The following NDFIP2 variants were observed in gnomAD, a reference collection of about 807,000 sequenced individuals.
NDFIP2 encodes the protein Nedd4 family interacting protein 2, also known as NEDD4 family-interacting protein 2.
A neutral mutation model predicts 36.0 loss-of-function variants in NDFIP2; 19 were observed. The ratio of observed to expected loss-of-function variants is 0.53; its 90% confidence interval spans 0.37 to 0.77. The LOEUF is 0.77. NDFIP2 is among the 30% of genes least tolerant of loss of function. NDFIP2 has a pLI of 0.00. For missense variants in NDFIP2, 446 were observed against 435.8 expected, an observed-to-expected ratio of 1.02 and a Z score of -0.21; for synonymous variants, 181 against 167.7, an observed-to-expected ratio of 1.08 and a Z score of -0.61.
At chr13:79,496,259 T>G (rs796286179) in intron 1 of NDFIP2, among the ~76,000 whole-genome samples, 6 of 152,066 alleles carry the variant, frequency 3.9e-5, no homozygotes, top group African/African-American at 1.4e-4. Context: ...GAAGTTTCCT[T>G]AATCTGAAAA....
At chr13:79,542,512 G>GTTT (rs1291989853) in intron 4 of NDFIP2, among the ~76,000 whole-genome samples, 1 of 143,120 alleles carries the variant, frequency 7.0e-6, no homozygotes, top group African/African-American at 2.6e-5. Context: ...TCTGTTTTTT[G>GTTT]TTTTTTTTTT....
At chr13:79,533,970 T>C (rs895327634) in intron 3 of NDFIP2, among the ~76,000 whole-genome samples, 1 of 152,172 alleles carries the variant, frequency 6.6e-6, no homozygotes, top group Non-Finnish European at 1.5e-5. Flanking sequence ...GGCATTCTCC[T>C]AGTTAAATTC....
chr13:79,533,578 G>A (rs1022925207), intron 3 of NDFIP2, 122 bp downstream of exon 3: 1 of 774,406 alleles, frequency 1.3e-6, no homozygotes. Flanking sequence ...TGAGCATTAT[G>A]GGTTTAAACT....
intron 4 of NDFIP2, among the ~76,000 whole-genome samples, chr13:79,543,003 A>C (rs980373032): frequency 6.6e-6 from 1 of 151,806 alleles, no homozygotes; most frequent in Non-Finnish European, 1.5e-5. Flanking sequence ...CAGCTTCCCA[A>C]GTAGCTGGGA....
intron 1 of NDFIP2, among the ~76,000 whole-genome samples, chr13:79,508,600 A>T (rs1425899730): frequency 6.6e-6 from 1 of 152,118 alleles, no homozygotes; most frequent in Non-Finnish European, 1.5e-5. Flanking sequence ...AGTGAGGACG[A>T]CCAGAGGTCA....
At chr13:79,503,411 A>G (rs920453919) in intron 1 of NDFIP2, among the ~76,000 whole-genome samples, 8 of 152,170 alleles carry the variant, frequency 5.3e-5, no homozygotes, top group African/African-American at 1.9e-4. Flanking sequence ...GTGCAGTTGA[A>G]GGTCATACAA....
rs185766796 is a variant in NDFIP2, at chr13:79,499,413, T to A, written c.321+17889T>A. On this transcript the variant is annotated intron_variant, in intron 1 of 7. Transcript: ENST00000218652. ...CAAGGAAGGAAATAAAAGTTATAGATTGGGAAGGAAGAAATAGAATTGTCT... is the reference window on the plus strand; with the variant it reads ...CAAGGAAGGAAATAAAAGTTATAGAATGGGAAGGAAGAAATAGAATTGTCT... 5.3e-5 allele frequency among the ~76,000 whole-genome samples: 8 copies of A among 152,010 alleles called. No individual in the cohort carries two copies. In the East Asian group the frequency reaches 1.5e-3, roughly 29 times the overall value.
intron 1 of NDFIP2, among the ~76,000 whole-genome samples, chr13:79,515,214 T>TACTTAATTAGGTAAATAA (rs537250791): frequency 3.9e-5 from 6 of 152,124 alleles, no homozygotes; most frequent in African/African-American, 1.4e-4. Flanking sequence ...AGTAAAAGTT[T>TACTTAATTAGGTAAATAA]GATATAATCT....
rs1175761296 is a variant in NDFIP2 at position 79,541,046 on chromosome 13, A to G, written c.715+1271A>G. Among the ~76,000 whole-genome samples the G allele has an allele frequency of 2.6e-5, 4 of 152,296 alleles. No homozygotes were observed. The South Asian group carries it at 6.2e-4, about 24-fold the overall frequency. The stretch of plus-strand genomic sequence containing the variant: ...AATCCTATATATTAATAACATTTTA[A>G]TAACAAACTTCTCACAGTTTGTTTA... On this transcript the variant is annotated intron_variant, in intron 4 of 7. Coordinates refer to ENST00000218652, the MANE Select transcript of NDFIP2 (RefSeq NM_019080.3).
intron 4 of NDFIP2, among the ~76,000 whole-genome samples, chr13:79,540,593 A>G (rs1014957036): frequency 6.6e-6 from 1 of 152,202 alleles, no homozygotes; most frequent in African/African-American, 2.4e-5. Flanking sequence ...TTTAGTTAAA[A>G]GCTTTATTAT....
chr13:79,539,552 T>C (rs780071379), intron 3 of NDFIP2, 130 bp from the exon 4 acceptor site: 1 of 664,934 alleles, frequency 1.5e-6, no homozygotes, highest in Non-Finnish European at 2.6e-6. Flanking sequence ...GTGCCAGACA[T>C]TGTACTCATT....
At chr13:79,513,869 G>A (rs1874169901) in intron 1 of NDFIP2, among the ~76,000 whole-genome samples, 1 of 152,130 alleles carries the variant, frequency 6.6e-6, no homozygotes, top group African/African-American at 2.4e-5. Context: ...GAATTTTGAA[G>A]AGAGTATGTT....
intron 1 of NDFIP2, among the ~76,000 whole-genome samples, chr13:79,500,248 A>T (rs1050787905): frequency 1.3e-5 from 2 of 151,956 alleles, no homozygotes; most frequent in African/African-American, 4.8e-5. Context: ...ACAGATCTAA[A>T]TGTAAAAGGC....
intron 1 of NDFIP2, among the ~76,000 whole-genome samples, chr13:79,513,675 A>G (rs1874160540): frequency 6.6e-6 from 1 of 151,032 alleles, no homozygotes; most frequent in Admixed American, 6.6e-5. Flanking sequence ...AACCCAGCAC[A>G]CTCATGTTTT....
At chr13:79,519,757 C>G (rs1874492312) in intron 1 of NDFIP2, among the ~76,000 whole-genome samples, 1 of 152,180 alleles carries the variant, frequency 6.6e-6, no homozygotes, top group Non-Finnish European at 1.5e-5. Context: ...ATTTTATATA[C>G]ACATCAACTT....
chr13:79,484,626 A>G (rs569902714), intron 1 of NDFIP2, among the ~76,000 whole-genome samples: 17 of 152,290 alleles, frequency 1.1e-4, no homozygotes, highest in African/African-American at 3.6e-4. Context: ...CATTTCTACA[A>G]TATCAATTTT....
intron 2 of NDFIP2, among the ~76,000 whole-genome samples, chr13:79,526,757 A>T (rs1243650722): frequency 1.3e-5 from 2 of 152,196 alleles, no homozygotes; most frequent in African/African-American, 2.4e-5. Flanking sequence ...TCAAGAATTT[A>T]AAAAGATTAT....
chr13:79,548,546 A>G (rs183794478), intron 6 of NDFIP2, 152 bp downstream of exon 6: 114 of 610,312 alleles, frequency 1.9e-4, no homozygotes, highest in African/African-American at 1.5e-3. Context: ...AAACTATTCT[A>G]TATAGCACTA....
intron 1 of NDFIP2, among the ~76,000 whole-genome samples, chr13:79,482,169 C>CTTTTTTTTTT (rs10558361): frequency 3.2e-4 from 24 of 75,888 alleles, no homozygotes; most frequent in African/African-American, 1.0e-3. Flanking sequence ...TTCTTTCTTT[C>CTTTTTTTTTT]TTTTTTTTTT....
Sources: gnomAD v4.1 joint callset for allele counts (sites outside exome capture counted in the v4.1 genomes callset) on GRCh38, gnomAD v4.1.1 for gene constraint, MANE v1.5 for transcripts, NCBI Gene and HGNC (gene_info 2026-07-23, HGNC 2026-07-21) for gene names.